The following CEP104 variants were observed in gnomAD, a reference collection of about 807,000 sequenced individuals.
The protein encoded by CEP104 is centrosomal protein of 104 kDa.
Under a neutral mutation model 113.3 loss-of-function variants are expected in CEP104, and 84 were observed. The ratio of observed to expected loss-of-function variants is 0.74; its 90% CI spans 0.62 to 0.89. CEP104 has a LOEUF of 0.89. Among genes scored for constraint, CEP104 ranks in the 40% least tolerant of loss-of-function variants. The pLI is 0.00. For missense variants in CEP104, 1,053 were observed against 1,156.6 expected (o/e 0.91, Z 1.30); for synonymous variants, 378 against 421.7 (o/e 0.90, Z 1.27).
At chr1:3,842,118 G>A (rs906034452) in intron 6 of CEP104, among the ~76,000 whole-genome samples, 22 of 152,196 alleles carry the variant, frequency 1.4e-4, no homozygotes, top group Non-Finnish European at 2.1e-4. Context: ...ACGGAGTCTC[G>A]CTCTTGTCGC....
intron 3 of CEP104, 107 bp from the exon 4 acceptor site, chr1:3,847,720 T>C: frequency 8.1e-7 from 1 of 1,233,606 alleles, no homozygotes; most frequent in Non-Finnish European, 1.2e-6. Flanking sequence ...TGTTTTATTT[T>C]TTAAAGCTAG....
chr1:3,818,344 G>A (rs1216161668), intron 20 of CEP104, among the ~76,000 whole-genome samples: 1 of 152,120 alleles, frequency 6.6e-6, no homozygotes, highest in Non-Finnish European at 1.5e-5. Context: ...ACCGGCCTGC[G>A]CGTCTGACAG....
At chr1:3,850,455 G>A (rs760880964) in intron 2 of CEP104, among the ~76,000 whole-genome samples, 1 of 152,188 alleles carries the variant, frequency 6.6e-6, no homozygotes, top group African/African-American at 2.4e-5. Flanking sequence ...TTGGAAAAAC[G>A]TCTTGCTCTG....
chr1:3,853,460 T>C (rs1339264478), intron 1 of CEP104, among the ~76,000 whole-genome samples: 1 of 152,042 alleles, frequency 6.6e-6, no homozygotes, highest in Non-Finnish European at 1.5e-5. Context: ...ATCAGAAAGT[T>C]CTCTGGGATA....
At chr1:3,854,056 C>T (rs75401080) in intron 1 of CEP104, among the ~76,000 whole-genome samples, 2,190 of 152,324 alleles carry the variant, frequency 0.014, 38 homozygotes, top group South Asian at 0.072. Flanking sequence ...CCCACTCCTT[C>T]GTGACCTGGC....
intron 10 of CEP104, 47 bp downstream of exon 10, chr1:3,836,448 A>G: frequency 6.4e-7 from 1 of 1,558,768 alleles, no homozygotes; most frequent in East Asian, 2.2e-5. Context: ...CATATAGACT[A>G]GCCTCCCCTC....
At chr1:3,846,296 C>A (rs1054227561) in intron 4 of CEP104, among the ~76,000 whole-genome samples, 3 of 152,020 alleles carry the variant, frequency 2.0e-5, no homozygotes, top group African/African-American at 7.3e-5. Context: ...CCATCCTGCA[C>A]CCCCAACCAC....
At chr1:3,824,405 G>A (rs1644043553) in intron 18 of CEP104, among the ~76,000 whole-genome samples, 1 of 152,198 alleles carries the variant, frequency 6.6e-6, no homozygotes, top group Non-Finnish European at 1.5e-5. Context: ...CTATAGTAAT[G>A]CAAGAAAGGC....
intron 10 of CEP104, 82 bp downstream of exon 10, chr1:3,836,413 T>C (rs1285125256): frequency 1.4e-6 from 2 of 1,408,294 alleles, no homozygotes; most frequent in East Asian, 4.6e-5. Context: ...CTCCTTTATG[T>C]GTAAGTACAC....
Position 3,834,970 on chromosome 1 carries a change from T to G in CEP104, c.1440A>C (p.Ala480=). Residue 480 remains alanine (A), a synonymous_variant, in exon 11 of 22, where the codon GCA becomes GCC. Transcript: ENST00000378230. ...TGGCTCTTCTAACGAGAAAGACGGA[T>G]GCTCTCAGTGTGTTCTTTAAATCTT... ...PKEDLKNTLR[A]SVFLVRRAIK... 1.2e-6 allele frequency: 2 copies of G among 1,610,604 alleles called. No individual in the cohort carries two copies. Among genetic ancestry groups the G allele is most frequent in the Non-Finnish European group, 1.7e-6 (2 of 1,178,246 alleles).
At chr1:3,832,510 GGTCGTGAC>G (rs1644234045) in intron 12 of CEP104, among the ~76,000 whole-genome samples, 3 of 99,024 alleles carry the variant, frequency 3.0e-5, no homozygotes, top group South Asian at 2.9e-4. Flanking sequence ...GTGTAGTGTA[GGTCGTGAC>G]CAGGAGTGTA....
At chr1:3,855,689 AC>A (rs1253635695) in intron 1 of CEP104, among the ~76,000 whole-genome samples, 1 of 151,900 alleles carries the variant, frequency 6.6e-6, no homozygotes, top group Non-Finnish European at 1.5e-5. Context: ...TTTTTAGTCT[AC>A]CCCCTCCCAA....
intron 12 of CEP104, among the ~76,000 whole-genome samples, chr1:3,831,670 G>A (rs569981388): frequency 6.6e-6 from 1 of 151,968 alleles, no homozygotes; most frequent in East Asian, 1.9e-4. Context: ...GGGTTAAGAT[G>A]GAAAAAATGT....
At chr1:3,830,756 G>A (rs1336470712) in intron 13 of CEP104, among the ~76,000 whole-genome samples, 7 of 137,442 alleles carry the variant, frequency 5.1e-5, no homozygotes, top group African/African-American at 1.6e-4. Context: ...CAGCCTGGGC[G>A]ACAGAACGAG....
chr1:3,830,362 A>C (rs1161846734), intron 13 of CEP104, among the ~76,000 whole-genome samples: 1 of 152,138 alleles, frequency 6.6e-6, no homozygotes, highest in Non-Finnish European at 1.5e-5. Flanking sequence ...AGTAAGTATA[A>C]TGGAAGTATT....
intron 6 of CEP104, among the ~76,000 whole-genome samples, chr1:3,844,259 A>C (rs1644466279): frequency 1.3e-5 from 2 of 152,284 alleles, no homozygotes; most frequent in Non-Finnish European, 1.5e-5. Flanking sequence ...GCATTTTAGG[A>C]AACTTCTAGT....
chr1:3,844,939 G>A lies in CEP104; in HGVS notation c.534C>T (p.Ser178=), dbSNP rs201775417. Residue 178 remains serine (S), a synonymous_variant, in exon 6 of 22, where the codon AGC becomes AGT. Coordinates refer to ENST00000378230, the MANE Select transcript of CEP104 (RefSeq NM_014704.4). ...ACGTTCCTTCTAGAGCAGGGTCCTCGCTGTTGTGCCCAAGGTAGTGGTCAA... is the reference window on the plus strand; with the variant it reads ...ACGTTCCTTCTAGAGCAGGGTCCTCACTGTTGTGCCCAAGGTAGTGGTCAA... ...KLIDHYLGHN[S]EDPALEGTYA... is the part of the protein sequence containing the mutation. 1.1e-5 allele frequency: 18 copies of A among 1,614,042 alleles called. No individual in the cohort carries two copies. Among genetic ancestry groups the A allele is most frequent in the Admixed American group, 1.0e-4 (6 of 60,008 alleles).
chr1:3,831,236 G>A lies in CEP104; in HGVS notation c.1660-14C>T. ...CAAGGCCATTTCCTATGAAAGCCAA[G>A]GTAATTTGTTAATTTTTACTGGAAA... is the stretch of plus-strand genomic sequence containing the variant. On this transcript the variant is annotated splice_polypyrimidine_tract_variant and intron_variant, in intron 12 of 21. Coordinates refer to ENST00000378230, the MANE Select transcript of CEP104 (RefSeq NM_014704.4). 6.2e-7 allele frequency: 1 copy of A among 1,604,170 alleles called. No homozygotes were observed. Among genetic ancestry groups the A allele is most frequent in the African/African-American group, 1.3e-5 (1 of 74,748 alleles).
chr1:3,836,515 C>T lies in CEP104; in HGVS notation c.1297G>A (p.Asp433Asn), dbSNP rs149976444. Reference protein sequence around the residue: ...KALREASSAIDVLGETLVAEA... With the variant: ...KALREASSAINVLGETLVAEA... ...TTTACCAAGGTTTCTCCCAACACAT[C>T]GATGGCAGAGCTGGCTTCTCTCAAG... Residue 433 changes from aspartate to asparagine, a missense_variant, in exon 10 of 22, where the codon GAT becomes AAT. Transcript: ENST00000378230. 3.3e-5 allele frequency: 45 copies of T among 1,354,892 alleles called. No individual in the cohort carries two copies. Among genetic ancestry groups the T allele is most frequent in the Middle Eastern group, 4.1e-4 (2 of 4,828 alleles). The allele number at this position is 1,354,892 out of a possible 1,614,324, so 83.9% of individuals were successfully genotyped here.
Sources: gnomAD v4.1 joint callset for allele counts (sites outside exome capture counted in the v4.1 genomes callset) on GRCh38, gnomAD v4.1.1 for gene constraint, MANE v1.5 for transcripts, NCBI Gene and HGNC (gene_info 2026-07-23, HGNC 2026-07-21) for gene names.